TSPAN14: variants seen among roughly 807,000 people sequenced by gnomAD.
TSPAN14 encodes the protein tetraspanin-14.
A neutral mutation model predicts 36.6 loss-of-function variants in TSPAN14; 16 were observed. That is an observed-to-expected ratio of 0.44 (90% CI 0.30 to 0.66). TSPAN14 has a LOEUF of 0.66. TSPAN14 is among the 30% of genes least tolerant of loss of function. TSPAN14 has a pLI of 0.12. For missense variants in TSPAN14, 231 were observed against 355.1 expected, an observed-to-expected ratio of 0.65 and a Z score of 2.81; for synonymous variants, 139 against 143.8, an observed-to-expected ratio of 0.97 and a Z score of 0.24.
chr10:80,517,866 C>T, intron 8 of TSPAN14, 39 bp from the exon 9 acceptor site: 2 of 1,547,272 alleles, frequency 1.3e-6, no homozygotes, highest in Non-Finnish European at 1.8e-6. Flanking sequence ...GCCTTTGGGC[C>T]CCAGCAATGG....
intron 2 of TSPAN14, among the ~76,000 whole-genome samples, chr10:80,499,213 T>G (rs1402024310): frequency 6.6e-6 from 1 of 152,204 alleles, no homozygotes; most frequent in Non-Finnish European, 1.5e-5. Context: ...TGTCACTTCC[T>G]TTTGTGACTT....
intron 1 of TSPAN14, among the ~76,000 whole-genome samples, chr10:80,488,744 G>A (rs1396169263): frequency 6.6e-6 from 1 of 152,160 alleles, no homozygotes; most frequent in African/African-American, 2.4e-5. Flanking sequence ...TTGTGGTCAA[G>A]CCCGTTTCTT....
At chr10:80,496,604 T>G (rs1392736303) in intron 2 of TSPAN14, among the ~76,000 whole-genome samples, 1 of 152,218 alleles carries the variant, frequency 6.6e-6, no homozygotes, top group Non-Finnish European at 1.5e-5. Flanking sequence ...CCCTGTCCCA[T>G]TTCCCTAGGA....
intron 1 of TSPAN14, among the ~76,000 whole-genome samples, chr10:80,473,330 GT>G (rs1846663080): frequency 6.6e-6 from 1 of 152,192 alleles, no homozygotes; most frequent in Non-Finnish European, 1.5e-5. Context: ...CAGGTTTTGG[GT>G]TGTGAGTTTT....
chr10:80,454,420 C>G (rs994126918), intron 1 of TSPAN14, 49 bp downstream of exon 1: 3 of 152,208 alleles, frequency 2.0e-5, no homozygotes, highest in African/African-American at 7.3e-5. Context: ...CTGCCCCTTT[C>G]TTTGTCTGAG....
intron 6 of TSPAN14, 31 bp downstream of exon 6, chr10:80,512,300 C>T: frequency 6.2e-7 from 1 of 1,611,256 alleles, no homozygotes; most frequent in Non-Finnish European, 8.5e-7. Flanking sequence ...GCACAGGGAG[C>T]CCGCCCTTCC....
rs1248397537 is a variant in TSPAN14, at chr10:80,519,727, T to C, written c.*1751T>C. On this transcript the variant is annotated 3_prime_UTR_variant, in exon 9 of 9. Transcript: ENST00000429989. ...GCCAGAGGAACCAAGGGATAGGGTATGTAGACCTTACAGAAGGATGGATGG... is the reference window on the plus strand; with the variant it reads ...GCCAGAGGAACCAAGGGATAGGGTACGTAGACCTTACAGAAGGATGGATGG... The C allele has an allele frequency of 1.3e-5, 2 of 152,430 alleles. 1 individual carries two copies. Among genetic ancestry groups the C allele is most frequent in the African/African-American group, 4.8e-5 (2 of 41,388 alleles). The allele number at this position is 152,430 out of a possible 1,614,324, so 9.4% of individuals were successfully genotyped here. A position where few individuals can be genotyped will look rare whatever the true frequency, so the allele number is the denominator to read the frequency against.
At chr10:80,475,228 A>G (rs1486828577) in intron 1 of TSPAN14, among the ~76,000 whole-genome samples, 1 of 152,220 alleles carries the variant, frequency 6.6e-6, no homozygotes, top group Admixed American at 6.5e-5. Context: ...GATGTTTGAT[A>G]GAGCTAATCT....
chr10:80,454,712 G>A lies in TSPAN14; in HGVS notation c.-18+341G>A, dbSNP rs542072571. ...CGGCGAGTGCGCGCCCGTGCCGGGC[G>A]GGGTGAGGGCGACGGGAGCCTGGAC... On this transcript the variant is annotated intron_variant, in intron 1 of 8. Coordinates refer to ENST00000429989, the Ensembl canonical transcript of TSPAN14. Among the ~76,000 whole-genome samples the A allele has an allele frequency of 7.8e-4, 119 of 152,274 alleles. 2 individuals carry two copies. In the South Asian group the frequency reaches 0.024, roughly 30 times the overall value.
At chr10:80,485,079 C>G (rs1274229535) in intron 1 of TSPAN14, among the ~76,000 whole-genome samples, 2 of 152,174 alleles carry the variant, frequency 1.3e-5, no homozygotes, top group African/African-American at 4.8e-5. Context: ...AGTTTGAGAT[C>G]CTAATTTTTT....
intron 1 of TSPAN14, among the ~76,000 whole-genome samples, chr10:80,483,546 G>A (rs994634895): frequency 9.9e-5 from 15 of 152,220 alleles, no homozygotes; most frequent in Admixed American, 3.3e-4. Flanking sequence ...GGTAGTAACC[G>A]TTTCATCTGC....
intron 3 of TSPAN14, 98 bp downstream of exon 3, chr10:80,504,876 C>G: frequency 7.6e-7 from 1 of 1,323,668 alleles, no homozygotes; most frequent in African/African-American, 1.4e-5. Flanking sequence ...TGACAACAAG[C>G]ATTTCTTGTG....
chr10:80,520,781 G>C (rs201754556), exon 9 of TSPAN14: 4 of 533,368 alleles, frequency 7.5e-6, no homozygotes, highest in African/African-American at 5.8e-5. Context: ...GTAGCTGAAA[G>C]CTGCTTATCC....
At chr10:80,464,334 T>C (rs897480391) in intron 1 of TSPAN14, among the ~76,000 whole-genome samples, 1 of 152,090 alleles carries the variant, frequency 6.6e-6, no homozygotes, top group African/African-American at 2.4e-5. Flanking sequence ...CTGGTGAAAA[T>C]AATAGATGGG....
intron 2 of TSPAN14, among the ~76,000 whole-genome samples, chr10:80,489,584 C>G (rs1300823200): frequency 6.6e-6 from 1 of 152,242 alleles, no homozygotes; most frequent in South Asian, 2.1e-4. Context: ...CTGTCTGTCT[C>G]CCCTACCTGC....
At position 80,516,104 on chromosome 10, in the gene TSPAN14, C is replaced by G. The variant is rs938319142; in HGVS notation, c.622-100C>G. On this transcript the variant is annotated intron_variant, in intron 7 of 8. Coordinates refer to ENST00000429989, the Ensembl canonical transcript of TSPAN14. ...TGCCTGCCTCCTGGATCCCTCGTTCCCACCCTGCTTTGCCCTGCTCCTTAC... is the reference window on the plus strand; with the variant it reads ...TGCCTGCCTCCTGGATCCCTCGTTCGCACCCTGCTTTGCCCTGCTCCTTAC... The G allele has an allele frequency of 3.8e-6, 6 of 1,576,794 alleles. No individual in the cohort carries two copies. The East Asian group carries it at 1.4e-4, about 36-fold the overall frequency.
chr10:80,466,188 C>T (rs904822927), intron 1 of TSPAN14, among the ~76,000 whole-genome samples: 1 of 152,190 alleles, frequency 6.6e-6, no homozygotes, highest in South Asian at 2.1e-4. Context: ...ATTCTCTTAT[C>T]AGCCAAGTCT....
intron 1 of TSPAN14, among the ~76,000 whole-genome samples, chr10:80,482,411 C>T (rs763757409): frequency 2.0e-5 from 3 of 151,218 alleles, no homozygotes; most frequent in African/African-American, 4.9e-5. Context: ...CTCAACCTCC[C>T]GAGTAGCTGG....
chr10:80,454,528 C>T (rs1183826950), intron 1 of TSPAN14, among the ~76,000 whole-genome samples, 157 bp downstream of exon 1: 2 of 151,844 alleles, frequency 1.3e-5, no homozygotes, highest in Non-Finnish European at 1.5e-5. Flanking sequence ...AGCGGCCCCG[C>T]GGGCGGCGCT....
Sources: gnomAD v4.1 joint callset for allele counts (sites outside exome capture counted in the v4.1 genomes callset) on GRCh38, gnomAD v4.1.1 for gene constraint, MANE v1.5 for transcripts, NCBI Gene and HGNC (gene_info 2026-07-23, HGNC 2026-07-21) for gene names.